The following AP2A1 variants were observed in gnomAD, a reference collection of about 807,000 sequenced individuals.
AP2A1 encodes adaptor related protein complex 2 subunit alpha 1.
AP2A1 carries 21 observed loss-of-function variants against 107.3 expected under a neutral mutation model. The ratio of observed to expected loss-of-function variants is 0.20; its 90% CI spans 0.14 to 0.28. The LOEUF is 0.28. Ranked by LOEUF, AP2A1 falls within the 10% of genes least tolerant of loss-of-function variation. The pLI, the probability that AP2A1 is intolerant of heterozygous loss-of-function variation, is 1.00. For missense variants in AP2A1, 873 were observed against 1,307.7 expected, an observed-to-expected ratio of 0.67 and a Z score of 5.13; for synonymous variants, 602 against 564.8, an observed-to-expected ratio of 1.07 and a Z score of -0.93.
Position 49,794,329 on chromosome 19 carries a change from C to T in AP2A1, c.705+1237C>T, listed in dbSNP as rs187497913. ...CTCCTAGGCTCAAGCGATCTCTCGC[C>T]TCAGCCTCCCGAGTAGCTGGGACTG... On this transcript the variant is annotated intron_variant, in intron 6 of 22. Coordinates refer to ENST00000354293, the MANE Select transcript of AP2A1 (RefSeq NM_130787.3). Among the ~76,000 whole-genome samples the T allele has an allele frequency of 4.9e-3, 750 of 151,996 alleles. 8 individuals carry two copies. Among genetic ancestry groups the T allele is most frequent in the African/African-American group, 0.017 (720 of 41,424 alleles).
intron 7 of AP2A1, chr19:49,796,670 ATG>A (rs1254487917): frequency 6.6e-6 from 1 of 151,852 alleles, no homozygotes; most frequent in African/African-American, 2.4e-5. Context: ...CTGTGTGTGG[ATG>A]TGTCATTGTG....
chr19:49,792,226 C>T (rs549028335), intron 5 of AP2A1, among the ~76,000 whole-genome samples, 162 bp downstream of exon 5: 1 of 147,374 alleles, frequency 6.8e-6, no homozygotes, highest in Non-Finnish European at 1.5e-5. Context: ...CCCACCTCAG[C>T]CCTCACGCCC....
rs2084509399 is a variant in AP2A1 at position 49,767,041 on chromosome 19, C to T, written c.-93C>T. On this transcript the variant is annotated 5_prime_UTR_variant, in exon 1 of 23. Coordinates refer to ENST00000354293, the MANE Select transcript of AP2A1 (RefSeq NM_130787.3). ...CCGCGGCCGGCTCGGCTCCTTGGCG[C>T]TGCCTGGGGTCCTTTCCGCCCGGTC... 17 of 1,364,084 alleles carry T rather than the reference C, an allele frequency of 1.2e-5. No individual in the cohort carries two copies. Among genetic ancestry groups the T allele is most frequent in the Non-Finnish European group, 1.5e-5 (15 of 1,031,606 alleles). The allele number at this position is 1,364,084 out of a possible 1,614,324, so 84.5% of individuals were successfully genotyped here.
chr19:49,802,123 C>A lies in AP2A1; in HGVS notation c.2096C>A (p.Pro699His), dbSNP rs748839990. ...PAAQPSLGPT[P>H]EEAFLSPGPE... ...GCCCAGCCCAGCCTGGGGCCCACCC[C>A]CGAGGAGGCCTTCCTCAGGTAGCAC... is the stretch of plus-strand genomic sequence containing the variant. Residue 699 changes from proline (P) to histidine (H), a missense_variant, in exon 15 of 23, where the codon CCC becomes CAC. By Grantham distance (77) the Pro-to-His change is moderately conservative (BLOSUM62 -2). Transcript: ENST00000354293. The A allele has an allele frequency of 6.3e-7, 1 of 1,575,548 alleles. No individual in the cohort carries two copies. Among genetic ancestry groups the A allele is most frequent in the African/African-American group, 1.3e-5 (1 of 74,518 alleles).
Position 49,785,467 on chromosome 19 carries a change from CAG to C in AP2A1, c.473+2748_473+2749del, listed in dbSNP as rs1013441493. ...TGACAAAGGCCATAGGAAAATGGGT[CAG>C]AGAGGGCAGAACCTGAGTGTGGTTT... On this transcript the variant is annotated intron_variant, in intron 4 of 22. Coordinates refer to ENST00000354293, the MANE Select transcript of AP2A1 (RefSeq NM_130787.3). The surrounding 1 kb of genome is among the most constrained non-coding windows in gnomAD (Gnocchi z 4.1). Among the ~76,000 whole-genome samples the C allele has an allele frequency of 3.9e-5, 6 of 151,984 alleles. No individual in the cohort carries two copies. Among genetic ancestry groups the C allele is most frequent in the South Asian group, 2.1e-4 (1 of 4,822 alleles).
chr19:49,795,710 G>T lies in AP2A1; in HGVS notation c.786G>T (p.Leu262=). 1 of 1,561,422 alleles carries T rather than the reference G, an allele frequency of 6.4e-7. No homozygotes were observed. The highest frequency in any genetic ancestry group is 8.7e-7 in the Non-Finnish European group (1 of 1,153,942). Residue 262 remains leucine (L), a synonymous_variant, in exon 7 of 23, where the codon CTG becomes CTT. Coordinates refer to ENST00000354293, the MANE Select transcript of AP2A1 (RefSeq NM_130787.3). ...CACCCTGGCTCTCGGTGAAGCTCCT[G>T]CGGCTGCTGCAGTGCTACCCGCCTC... The part of the protein sequence containing the change: ...VPAPWLSVKL[L]RLLQCYPPPE...
At chr19:49,779,487 C>CAAAAAAAAA (rs370114853) in intron 1 of AP2A1, among the ~76,000 whole-genome samples, 15 of 83,932 alleles carry the variant, frequency 1.8e-4, no homozygotes, top group Non-Finnish European at 2.0e-4. Flanking sequence ...GCCTGGGCTA[C>CAAAAAAAAA]AAAAAAAAAA....
intron 3 of AP2A1, 33 bp downstream of exon 3, chr19:49,782,122 A>G: frequency 1.0e-6 from 1 of 1,002,744 alleles, no homozygotes. Flanking sequence ...CAGGGCCTGG[A>G]CTCCTGGGTC....
In AP2A1 at chr19:49,785,643, A is replaced by G. The variant is rs571696192; in HGVS notation, c.473+2919A>G. Among the ~76,000 whole-genome samples, 2 of 152,206 alleles carry G rather than the reference A, an allele frequency of 1.3e-5. No homozygotes were observed. Among genetic ancestry groups the G allele is most frequent in the African/African-American group, 2.4e-5 (1 of 41,538 alleles). On this transcript the variant is annotated intron_variant, in intron 4 of 22. Transcript: ENST00000354293. This position sits in a 1 kb window ranked among gnomAD's most constrained non-coding sequence, Gnocchi z 4.1. ...ATATAATGCAAAATACAGGCCAGGCACAGCAGCTCACACCCGTAATCCCAG... is the reference window on the plus strand; with the variant it reads ...ATATAATGCAAAATACAGGCCAGGCGCAGCAGCTCACACCCGTAATCCCAG...
rs1383897938 is a variant in AP2A1, at chr19:49,779,332, G to A, written c.68-2425G>A. On this transcript the variant is annotated intron_variant, in intron 1 of 22. Transcript: ENST00000354293. ...AGCCTGGGTGACACAGTGAGACTCC[G>A]TCTCAAAAAAAAAAAAAAAAAAAAA... Among the ~76,000 whole-genome samples the A allele has an allele frequency of 4.0e-4, 39 of 97,558 alleles. 1 individual carries two copies. The South Asian group carries it at 0.013, about 32-fold the overall frequency. 64.0% of individuals were successfully genotyped at this position (97,558 alleles called of 152,430 possible).
chr19:49,777,313 T>A (rs956366735), intron 1 of AP2A1, among the ~76,000 whole-genome samples: 1 of 151,736 alleles, frequency 6.6e-6, no homozygotes, highest in African/African-American at 2.4e-5. Flanking sequence ...TGTAAATACA[T>A]TTTAAATACA....
At chr19:49,791,188 G>A (rs1038562154) in intron 4 of AP2A1, among the ~76,000 whole-genome samples, 4 of 152,190 alleles carry the variant, frequency 2.6e-5, no homozygotes, top group African/African-American at 7.2e-5. Context: ...AGGATTTTCA[G>A]TCTTTCCTCC....
intron 21 of AP2A1, 27 bp from the exon 22 acceptor site, chr19:49,806,092 C>G: frequency 6.3e-7 from 1 of 1,575,188 alleles, no homozygotes; most frequent in Non-Finnish European, 8.6e-7. Context: ...CTCTGGCACA[C>G]TCTGACGGCG....
intron 4 of AP2A1, among the ~76,000 whole-genome samples, chr19:49,784,225 G>A (rs1229275556): frequency 3.7e-4 from 57 of 152,102 alleles, no homozygotes; most frequent in Admixed American, 3.7e-3. Context: ...TCAGGAGTTC[G>A]AGACCAGCCT....
chr19:49,776,388 G>A (rs999295925), intron 1 of AP2A1, among the ~76,000 whole-genome samples: 1 of 152,110 alleles, frequency 6.6e-6, no homozygotes, highest in Non-Finnish European at 1.5e-5. Context: ...TGTGTGCAGA[G>A]AAGCCTTCCC....
In AP2A1 at chr19:49,777,595, A is replaced by G. The variant is rs2084629390; in HGVS notation, c.68-4162A>G. On this transcript the variant is annotated intron_variant, in intron 1 of 22. Coordinates refer to ENST00000354293, the MANE Select transcript of AP2A1 (RefSeq NM_130787.3). ...GCTTGAAGTGAGCAGAGATGGTGCCACTGCACTCCATCCTGGGCGACAAAG... is the reference window on the plus strand; with the variant it reads ...GCTTGAAGTGAGCAGAGATGGTGCCGCTGCACTCCATCCTGGGCGACAAAG... 4.0e-5 allele frequency among the ~76,000 whole-genome samples: 6 copies of G among 149,074 alleles called. No homozygotes were observed. The Admixed American group carries it at 4.1e-4, about 10-fold the overall frequency.
rs2073408001 is a variant in AP2A1, at chr19:49,806,931, T to TAACC, written c.*173_*174insAACC. ...TTTATTTTTGTTCATCTGCTGCTGT[T>TAACC]TACATTCTGGGGGGTTAGGGGGAGT... On this transcript the variant is annotated 3_prime_UTR_variant, in exon 23 of 23. Transcript: ENST00000354293. 1 of 1,534,748 alleles carries TAACC rather than the reference T, an allele frequency of 6.5e-7. No individual in the cohort carries two copies. Among genetic ancestry groups the TAACC allele is most frequent in the Non-Finnish European group, 8.7e-7 (1 of 1,146,854 alleles).
intron 4 of AP2A1, among the ~76,000 whole-genome samples, chr19:49,784,319 C>G (rs2084712215): frequency 6.6e-6 from 1 of 151,968 alleles, no homozygotes; most frequent in Non-Finnish European, 1.5e-5. Flanking sequence ...CCCAGCTCCT[C>G]TGGAGGCTGA....
At chr19:49,806,356 GACC>G (rs2073383069) in intron 22 of AP2A1, 103 bp downstream of exon 22, 5 of 1,364,582 alleles carry the variant, frequency 3.7e-6, no homozygotes, top group Non-Finnish European at 4.8e-6. Flanking sequence ...TCCCCACTTT[GACC>G]CTCCTCCTCT....
Sources: allele counts gnomAD v4.1 joint callset (sites outside exome capture counted in the v4.1 genomes callset), GRCh38; gene constraint gnomAD v4.1.1; non-coding constraint Gnocchi (gnomAD v3.1); transcripts MANE v1.5; gene names NCBI Gene and HGNC (gene_info 2026-07-23, HGNC 2026-07-21).